GRM7: variants seen among roughly 807,000 people sequenced by gnomAD.
GRM7 encodes metabotropic glutamate receptor 7.
GRM7 carries 35 observed loss-of-function variants against 84.5 expected under a neutral mutation model. The ratio of observed to expected loss-of-function variants is 0.41; its 90% CI spans 0.32 to 0.55. GRM7 has a LOEUF of 0.55. Among genes scored for constraint, GRM7 ranks in the 20% least tolerant of loss-of-function variants. The probability of loss-of-function intolerance (pLI) is 0.19; values close to 1 mark genes in which losing one functional copy is unlikely to be tolerated. For missense variants in GRM7, 1,003 were observed against 1,194.6 expected (o/e 0.84, Z 2.36); for synonymous variants, 487 against 455.1 (o/e 1.07, Z -0.89).
At chr3:6,950,311 T>G (rs1351869848) in intron 1 of GRM7, among the ~76,000 whole-genome samples, 1 of 152,234 alleles carries the variant, frequency 6.6e-6, no homozygotes. Context: ...TGGAGTTTAC[T>G]GGAGGTCCAC....
rs200678079 is a variant in GRM7 at position 7,578,700 on chromosome 3, A to T, written c.1794A>T (p.Ala598=). ...SPWAVIPVFL[A]MLGIIATIFV... ...GGGCTGTGATTCCTGTCTTCCTGGC[A>T]ATGTTGGGGATCATTGCCACCATCT... The change falls in exon 8 of 10, where the codon GCA becomes GCT. Residue 598 remains alanine, a synonymous_variant. Transcript: ENST00000357716. 677 of 1,614,074 alleles carry T rather than the reference A, an allele frequency of 4.2e-4. No homozygotes were observed. The highest frequency in any genetic ancestry group is 5.2e-4 in the Non-Finnish European group (615 of 1,179,994).
intron 1 of GRM7, among the ~76,000 whole-genome samples, chr3:6,977,155 T>C (rs1694031001): frequency 6.6e-6 from 1 of 152,148 alleles, no homozygotes; most frequent in African/African-American, 2.4e-5. Flanking sequence ...TGGCCAAATA[T>C]GAAGCTACCA....
intron 1 of GRM7, among the ~76,000 whole-genome samples, chr3:7,125,976 C>T (rs1693385887): frequency 6.6e-6 from 1 of 152,134 alleles, no homozygotes; most frequent in African/African-American, 2.4e-5. Flanking sequence ...TGTCACCTTC[C>T]CCTCAGGTGG....
chr3:7,340,801 C>T (rs1022217585), intron 4 of GRM7, among the ~76,000 whole-genome samples: 2 of 152,052 alleles, frequency 1.3e-5, no homozygotes, highest in East Asian at 1.9e-4. Context: ...TGACCAGGAG[C>T]CTTAAGTGAA....
At chr3:7,352,057 C>CACCACA (rs1277659188) in intron 4 of GRM7, among the ~76,000 whole-genome samples, 61 of 136,960 alleles carry the variant, frequency 4.5e-4, no homozygotes, top group African/African-American at 1.6e-3. Context: ...CACACACACA[C>CACCACA]CACACACACA....
intron 1 of GRM7, among the ~76,000 whole-genome samples, chr3:6,998,869 T>C (rs1255231508): frequency 6.6e-6 from 1 of 152,158 alleles, no homozygotes; most frequent in African/African-American, 2.4e-5. Flanking sequence ...GCCCAGGCCC[T>C]GAAACCATTT....
At chr3:7,306,751 A>C in intron 4 of GRM7, 99 bp downstream of exon 4, 1 of 990,058 alleles carries the variant, frequency 1.0e-6, no homozygotes, top group Non-Finnish European at 1.5e-6. Context: ...TTTTTACCAA[A>C]CTCATGTGGG....
chr3:6,868,633 C>A (rs1184038684), intron 1 of GRM7, among the ~76,000 whole-genome samples: 1 of 152,138 alleles, frequency 6.6e-6, no homozygotes, highest in Non-Finnish European at 1.5e-5. Flanking sequence ...AACTTCATTT[C>A]GTTCACTCCA....
chr3:7,492,663 C>G lies in GRM7; in HGVS notation c.1515+30941C>G, dbSNP rs532633548. Among the ~76,000 whole-genome samples the G allele has an allele frequency of 1.3e-4, 20 of 151,976 alleles. No homozygotes were observed. The South Asian group carries it at 1.9e-3, about 14-fold the overall frequency. On this transcript the variant is annotated intron_variant, in intron 7 of 9. Coordinates refer to ENST00000357716, the MANE Select transcript of GRM7 (RefSeq NM_000844.4). Reference sequence around the variant, plus strand: ...AGAGCTGACCTTTTATTTCATTGATCTTTTTTCCTATAGATCTTTATTTTC... The same window carrying G: ...AGAGCTGACCTTTTATTTCATTGATGTTTTTTCCTATAGATCTTTATTTTC...
At chr3:6,946,324 C>T (rs1698080194) in intron 1 of GRM7, among the ~76,000 whole-genome samples, 1 of 152,278 alleles carries the variant, frequency 6.6e-6, no homozygotes. Context: ...GGAATCCTTT[C>T]CCCATTTCTT....
intron 1 of GRM7, among the ~76,000 whole-genome samples, chr3:6,952,169 T>C (rs952110329): frequency 2.6e-5 from 4 of 152,196 alleles, no homozygotes; most frequent in African/African-American, 9.7e-5. Context: ...TGGTGTTCCT[T>C]CCAAGGGTCG....
intron 1 of GRM7, among the ~76,000 whole-genome samples, chr3:7,135,460 G>A (rs778008967): frequency 1.4e-4 from 21 of 152,188 alleles, no homozygotes; most frequent in African/African-American, 3.4e-4. Flanking sequence ...TCAAAAATTC[G>A]CCTTTTACAA....
intron 2 of GRM7, among the ~76,000 whole-genome samples, chr3:7,289,956 A>T (rs186523406): frequency 2.2e-3 from 333 of 152,218 alleles, no homozygotes; most frequent in African/African-American, 7.6e-3. Flanking sequence ...ATGTATACAT[A>T]TGTACCAAAC....
intron 2 of GRM7, among the ~76,000 whole-genome samples, chr3:7,230,338 G>T (rs2124898452): frequency 6.6e-6 from 1 of 152,286 alleles, no homozygotes; most frequent in African/African-American, 2.4e-5. Flanking sequence ...TTGTAGGAAT[G>T]TGAATATCAA....
intron 4 of GRM7, among the ~76,000 whole-genome samples, chr3:7,399,205 AT>A (rs1231010529): frequency 3.3e-5 from 5 of 149,694 alleles, no homozygotes; most frequent in African/African-American, 5.0e-5. Context: ...AATAATAATA[AT>A]AATAATAAAA....
intron 1 of GRM7, among the ~76,000 whole-genome samples, chr3:7,119,439 T>C (rs75874641): frequency 0.011 from 1,702 of 152,252 alleles, 29 homozygotes; most frequent in African/African-American, 0.038. Flanking sequence ...TTCACACACA[T>C]GACTAGATTC....
At chr3:7,001,635 G>C (rs988067183) in intron 1 of GRM7, among the ~76,000 whole-genome samples, 7 of 152,170 alleles carry the variant, frequency 4.6e-5, no homozygotes, top group African/African-American at 1.4e-4. Context: ...CAGATAAATT[G>C]AGTTACTAAG....
chr3:7,655,132 T>A (rs1250324171), intron 8 of GRM7, among the ~76,000 whole-genome samples: 6 of 152,184 alleles, frequency 3.9e-5, no homozygotes, highest in African/African-American at 1.4e-4. Flanking sequence ...GGTGGGTTAT[T>A]TCAAAGAAAA....
intron 1 of GRM7, among the ~76,000 whole-genome samples, chr3:6,973,316 T>A (rs777600746): frequency 6.6e-6 from 1 of 152,126 alleles, no homozygotes; most frequent in Non-Finnish European, 1.5e-5. Context: ...ACATCTACTA[T>A]GTACCATGTT....
Sources: allele counts gnomAD v4.1 joint callset (sites outside exome capture counted in the v4.1 genomes callset), GRCh38; gene constraint gnomAD v4.1.1; transcripts MANE v1.5; gene names NCBI Gene and HGNC (gene_info 2026-07-23, HGNC 2026-07-21).